STIMATE: variants seen among roughly 807,000 people sequenced by gnomAD.
STIMATE encodes store-operated calcium entry regulator STIMATE.
In STIMATE, 15 loss-of-function variants were observed where a neutral mutation model predicts 36.7. That is an observed-to-expected ratio of 0.41 (90% CI 0.27 to 0.63). STIMATE has a LOEUF of 0.63. STIMATE is among the 20% of genes least tolerant of loss of function. STIMATE has a pLI of 0.32. For synonymous variants in STIMATE, 163 were observed against 162.3 expected (o/e 1.00, Z -0.03); for missense variants, 305 against 397.3 (o/e 0.77, Z 1.98).
chr3:52,869,258 G>A (rs535668103), intron 1 of STIMATE, among the ~76,000 whole-genome samples: 1 of 152,286 alleles, frequency 6.6e-6, no homozygotes, highest in East Asian at 1.9e-4. Context: ...AATCCACCCC[G>A]ACACTGGACC....
chr3:52,856,867 C>T (rs1360191258), intron 1 of STIMATE, among the ~76,000 whole-genome samples: 2 of 152,196 alleles, frequency 1.3e-5, no homozygotes, highest in African/African-American at 4.8e-5. Context: ...TTTGAAGCTA[C>T]GTATCCTCCA....
chr3:52,845,063 T>G, intron 4 of STIMATE, 122 bp from the exon 5 acceptor site: 1 of 896,572 alleles, frequency 1.1e-6, no homozygotes, highest in South Asian at 2.2e-5. Context: ...AGGTACTTAA[T>G]GAGCCCCCCC....
At chr3:52,851,390 T>C (rs1700994738) in intron 3 of STIMATE, among the ~76,000 whole-genome samples, 1 of 152,256 alleles carries the variant, frequency 6.6e-6, no homozygotes, top group Non-Finnish European at 1.5e-5. Context: ...GCTTTCCAGT[T>C]GCTGAGGCTT....
At chr3:52,874,589 GGTA>G (rs1166932965) in intron 1 of STIMATE, among the ~76,000 whole-genome samples, 13 of 152,210 alleles carry the variant, frequency 8.5e-5, no homozygotes, top group African/African-American at 2.9e-4. Flanking sequence ...GGCTGGTCAT[GGTA>G]GCTCACACCT....
At chr3:52,854,085 A>G (rs895226004) in intron 2 of STIMATE, among the ~76,000 whole-genome samples, 3 of 124,254 alleles carry the variant, frequency 2.4e-5, no homozygotes, top group Non-Finnish European at 5.6e-5. Context: ...TTTAAGAAAT[A>G]TATGTATTTG....
intron 1 of STIMATE, among the ~76,000 whole-genome samples, chr3:52,867,009 G>A (rs1442435249): frequency 6.6e-6 from 1 of 152,202 alleles, no homozygotes; most frequent in Admixed American, 6.5e-5. Flanking sequence ...AGACAGGGAA[G>A]CCGGGGTCTC....
In STIMATE at chr3:52,890,671, G is replaced by A. The variant is rs575443733; in HGVS notation, c.160+6620C>T. On this transcript the variant is annotated intron_variant, in intron 1 of 7. Transcript: ENST00000355083. ...GTAATCTAAAAGAGACTCACCAACT[G>A]CTTCTATGCATACACAAGGAAAAGG... Among the ~76,000 whole-genome samples, 28 of 152,352 alleles carry A rather than the reference G, an allele frequency of 1.8e-4. No homozygotes were observed. In the South Asian group the frequency reaches 2.9e-3, roughly 16 times the overall value.
intron 3 of STIMATE, 152 bp downstream of exon 3, chr3:52,852,451 T>C (rs1473354376): frequency 3.4e-6 from 3 of 895,254 alleles, no homozygotes; most frequent in Non-Finnish European, 5.1e-6. Context: ...CAGGACAGCA[T>C]GTACAGGATG....
chr3:52,859,528 A>AAAAAT (rs1701172903), intron 1 of STIMATE, among the ~76,000 whole-genome samples: 1 of 108,232 alleles, frequency 9.2e-6, no homozygotes, highest in African/African-American at 3.5e-5. Context: ...AAAAAAAAAA[A>AAAAAT]AAATTTTTTT....
At chr3:52,889,815 G>T (rs1701752828) in intron 1 of STIMATE, among the ~76,000 whole-genome samples, 1 of 152,136 alleles carries the variant, frequency 6.6e-6, no homozygotes, top group Non-Finnish European at 1.5e-5. Flanking sequence ...GGTTCTCAAG[G>T]AAATAATACA....
At position 52,836,904 on chromosome 3, in the gene STIMATE, A is replaced by C. The variant is rs1446664781; in HGVS notation, c.*3590T>G. The C allele has an allele frequency of 9.3e-6, 2 of 216,178 alleles. No homozygotes were observed. The highest frequency in any genetic ancestry group is 1.9e-5 in the Non-Finnish European group (2 of 103,550). The allele number at this position is 216,178 out of a possible 1,614,324, so 13.4% of individuals were successfully genotyped here. A position where few individuals can be genotyped will look rare whatever the true frequency, so the allele number is the denominator to read the frequency against. Reference sequence around the variant, plus strand: ...TGAAGTGGGCCATGGTTTTCCTTGCATAGGTCTGACTTCTAACAAACTTCA... The same window carrying C: ...TGAAGTGGGCCATGGTTTTCCTTGCCTAGGTCTGACTTCTAACAAACTTCA... On this transcript the variant is annotated 3_prime_UTR_variant, in exon 8 of 8. Transcript: ENST00000355083.
chr3:52,853,507 G>A (rs1016243663), intron 2 of STIMATE, among the ~76,000 whole-genome samples: 1 of 152,150 alleles, frequency 6.6e-6, no homozygotes, highest in Non-Finnish European at 1.5e-5. Context: ...TCTCACAGCC[G>A]CCCAGCTGGG....
intron 5 of STIMATE, 36 bp downstream of exon 5, chr3:52,844,793 G>T: frequency 1.2e-6 from 2 of 1,607,330 alleles, no homozygotes; most frequent in Non-Finnish European, 1.7e-6. Flanking sequence ...CTTGCTCAGC[G>T]TGGCAAGGAG....
chr3:52,852,300 G>C (rs190476787), intron 3 of STIMATE, among the ~76,000 whole-genome samples: 1 of 152,312 alleles, frequency 6.6e-6, no homozygotes, highest in Admixed American at 6.5e-5. Context: ...CCTTGCCAGG[G>C]GCGGCTTGGA....
At chr3:52,869,266 A>C (rs1185772745) in intron 1 of STIMATE, among the ~76,000 whole-genome samples, 2 of 152,184 alleles carry the variant, frequency 1.3e-5, no homozygotes, top group Non-Finnish European at 2.9e-5. Flanking sequence ...CCGACACTGG[A>C]CCAGAGTGAA....
Position 52,840,204 on chromosome 3 carries a change from C to T in STIMATE, c.*290G>A. 4.8e-6 allele frequency: 1 copy of T among 210,466 alleles called. No individual in the cohort carries two copies. 13.0% of individuals were successfully genotyped at this position (210,466 alleles called of 1,614,324 possible). ...GCAGGGCCTCAGGTCCCTCACAACA[C>T]TGTCTGGGACGACAACAAACAAACA... On this transcript the variant is annotated 3_prime_UTR_variant, in exon 8 of 8. Coordinates refer to ENST00000355083, the MANE Select transcript of STIMATE (RefSeq NM_198563.5).
intron 1 of STIMATE, among the ~76,000 whole-genome samples, chr3:52,877,570 G>A (rs975175923): frequency 2.0e-5 from 3 of 151,012 alleles, no homozygotes; most frequent in Admixed American, 6.6e-5. Context: ...GAAAGTCTCC[G>A]GTGAGCCATT....
chr3:52,897,324 G>A lies in STIMATE; in HGVS notation c.127C>T (p.Leu43=). The A allele has an allele frequency of 6.4e-7, 1 of 1,552,574 alleles. No homozygotes were observed. The highest frequency in any genetic ancestry group is 8.6e-7 in the Non-Finnish European group (1 of 1,156,932). Reference sequence around the variant, plus strand: ...GTGCTGAAGGCCACGACGCCGAGCAGCCCCTGCAGGAAGATGCCGAAGCTG... The same window carrying A: ...GTGCTGAAGGCCACGACGCCGAGCAACCCCTGCAGGAAGATGCCGAAGCTG... ...MHSFGIFLQG[L]LGVVAFSTLM... Residue 43 remains leucine (L), a synonymous_variant, in exon 1 of 8, where the codon CTG becomes TTG. Transcript: ENST00000355083.
intron 2 of STIMATE, among the ~76,000 whole-genome samples, chr3:52,853,841 G>T (rs1371667632): frequency 1.5e-5 from 2 of 129,390 alleles, no homozygotes; most frequent in African/African-American, 2.7e-5. Context: ...AGGATAAAAT[G>T]GCTATTTTGT....
Sources: allele counts gnomAD v4.1 joint callset (sites outside exome capture counted in the v4.1 genomes callset), GRCh38; gene constraint gnomAD v4.1.1; transcripts MANE v1.5; gene names NCBI Gene and HGNC (gene_info 2026-07-23, HGNC 2026-07-21).